The following ARSK variants were observed in gnomAD, a reference collection of about 807,000 sequenced individuals.
The protein encoded by ARSK is arylsulfatase family member K, also known as arylsulfatase K.
ARSK carries 37 observed loss-of-function variants against 53.2 expected under a neutral mutation model. The ratio of observed to expected loss-of-function variants is 0.70; its 90% confidence interval spans 0.54 to 0.92. The LOEUF (loss-of-function observed/expected upper bound fraction) is 0.92. ARSK is among the 40% of genes least tolerant of loss of function. ARSK has a pLI of 0.00. For missense variants in ARSK, 613 were observed against 643.0 expected (o/e 0.95, Z 0.51); for synonymous variants, 208 against 223.2 (o/e 0.93, Z 0.61).
At chr5:95,569,124 C>T (rs922537200) in intron 3 of ARSK, among the ~76,000 whole-genome samples, 18 of 152,092 alleles carry the variant, frequency 1.2e-4, no homozygotes, top group Non-Finnish European at 2.5e-4. Flanking sequence ...TCCTGCAATT[C>T]CTCCTACTGA....
At chr5:95,588,203 CAA>C (rs1004957742) in intron 5 of ARSK, among the ~76,000 whole-genome samples, 45 of 150,632 alleles carry the variant, frequency 3.0e-4, no homozygotes, top group African/African-American at 1.1e-3. Context: ...TCCCTTACAT[CAA>C]GTTACAAAAT....
At chr5:95,570,477 C>T (rs559655030) in intron 3 of ARSK, among the ~76,000 whole-genome samples, 6 of 152,270 alleles carry the variant, frequency 3.9e-5, no homozygotes, top group African/African-American at 1.4e-4. Context: ...ACCCAGCTTC[C>T]CTGCTCACTA....
chr5:95,565,162 A>G (rs1029021141), intron 1 of ARSK, among the ~76,000 whole-genome samples: 5 of 152,200 alleles, frequency 3.3e-5, no homozygotes, highest in African/African-American at 1.2e-4. Context: ...CTCTTTACCA[A>G]CGTGAGTTCT....
At chr5:95,564,499 C>T (rs763256721) in intron 1 of ARSK, among the ~76,000 whole-genome samples, 15 of 152,194 alleles carry the variant, frequency 9.9e-5, no homozygotes, top group Non-Finnish European at 1.9e-4. Flanking sequence ...TTTTGCTTTG[C>T]AAAATAACTT....
Position 95,603,669 on chromosome 5 carries a change from G to A in ARSK, c.*143G>A. On this transcript the variant is annotated 3_prime_UTR_variant, in exon 8 of 8. Transcript: ENST00000380009. Reference sequence around the variant, plus strand: ...TCACACCTGTAATCCCAGGACTTTGGGAGGCTGAGGAAAGCAGATCACAAG... The same window carrying A: ...TCACACCTGTAATCCCAGGACTTTGAGAGGCTGAGGAAAGCAGATCACAAG... The A allele has an allele frequency of 1.5e-6, 1 of 661,644 alleles. No individual in the cohort carries two copies. The highest frequency in any genetic ancestry group is 2.9e-5 in the South Asian group (1 of 34,382). The allele number at this position is 661,644 out of a possible 1,614,324, so 41.0% of individuals were successfully genotyped here. A position where few individuals can be genotyped will look rare whatever the true frequency, so the allele number is the denominator to read the frequency against.
At chr5:95,599,748 G>A (rs1470510657) in intron 6 of ARSK, among the ~76,000 whole-genome samples, 4 of 152,092 alleles carry the variant, frequency 2.6e-5, no homozygotes, top group Non-Finnish European at 5.9e-5. Flanking sequence ...TTTTTATCAA[G>A]TTATATATGA....
intron 3 of ARSK, among the ~76,000 whole-genome samples, chr5:95,568,855 T>C (rs552464059): frequency 1.7e-3 from 254 of 152,308 alleles, no homozygotes; most frequent in African/African-American, 5.9e-3. Flanking sequence ...AATTTTGGTA[T>C]GTGCGAAGTA....
At chr5:95,576,803 T>C (rs1306528101) in intron 3 of ARSK, among the ~76,000 whole-genome samples, 1 of 152,058 alleles carries the variant, frequency 6.6e-6, no homozygotes, top group Admixed American at 6.5e-5. Context: ...CCAGACCCTT[T>C]TTGGCTCAAG....
Position 95,555,175 on chromosome 5 carries a change from C to A in ARSK, c.-104C>A. The A allele has an allele frequency of 2.6e-6, 3 of 1,146,962 alleles. No individual in the cohort carries two copies. The highest frequency in any genetic ancestry group is 2.3e-5 in the Admixed American group (1 of 42,700). The allele number at this position is 1,146,962 out of a possible 1,614,324, so 71.0% of individuals were successfully genotyped here. ...GCGTTACTATCAAGCAACCAAACTG[C>A]AAGCTTTGGGAGTTGTTCGCTGTCC... On this transcript the variant is annotated 5_prime_UTR_variant, in exon 1 of 8. Transcript: ENST00000380009. The surrounding 1 kb of genome is among the most constrained non-coding windows in gnomAD (Gnocchi z 4.0).
intron 6 of ARSK, 68 bp from the exon 7 acceptor site, chr5:95,600,779 T>G: frequency 7.3e-7 from 1 of 1,379,004 alleles, no homozygotes; most frequent in South Asian, 1.2e-5. Flanking sequence ...TGAATGATGC[T>G]ATTTGTGAAT....
At chr5:95,569,558 G>C (rs1046356216) in intron 3 of ARSK, among the ~76,000 whole-genome samples, 46 of 152,210 alleles carry the variant, frequency 3.0e-4, no homozygotes, top group African/African-American at 1.1e-3. Flanking sequence ...GCAGCTACAA[G>C]CCAAAGGATG....
chr5:95,565,386 G>A (rs540851317), intron 1 of ARSK, among the ~76,000 whole-genome samples: 1 of 152,112 alleles, frequency 6.6e-6, no homozygotes, highest in African/African-American at 2.4e-5. Flanking sequence ...CCCCACCCCA[G>A]CTGCCTAATT....
At chr5:95,597,020 T>G (rs1362594622) in intron 6 of ARSK, among the ~76,000 whole-genome samples, 2 of 152,056 alleles carry the variant, frequency 1.3e-5, no homozygotes, top group African/African-American at 2.4e-5. Context: ...TAGGAATTCT[T>G]TATAATATTA....
intron 1 of ARSK, 132 bp from the exon 2 acceptor site, chr5:95,565,866 G>T: frequency 1.2e-6 from 1 of 852,804 alleles, no homozygotes; most frequent in East Asian, 2.7e-5. Context: ...CTCTATACTT[G>T]TTTTGTTTTT....
intron 7 of ARSK, among the ~76,000 whole-genome samples, chr5:95,602,568 A>T (rs1186854368): frequency 6.6e-6 from 1 of 152,204 alleles, no homozygotes; most frequent in African/African-American, 2.4e-5. Flanking sequence ...GTTAATTGTC[A>T]TAAGATCTCT....
intron 2 of ARSK, 63 bp downstream of exon 2, chr5:95,566,190 T>A: frequency 6.4e-7 from 1 of 1,557,264 alleles, no homozygotes; most frequent in Non-Finnish European, 8.7e-7. Flanking sequence ...ATTCACAGTT[T>A]AAAAGATTAT....
chr5:95,566,243 T>A lies in ARSK; in HGVS notation c.256+116T>A, dbSNP rs559657699. ...TTGTATTTGGCCTCAATAAAATTGT[T>A]TTAATATAAAAGATGTGCATTTTAA... is the stretch of plus-strand genomic sequence containing the variant. On this transcript the variant is annotated intron_variant, in intron 2 of 7. Coordinates refer to ENST00000380009, the MANE Select transcript of ARSK (RefSeq NM_198150.3). 4 of 1,313,744 alleles carry A rather than the reference T, an allele frequency of 3.0e-6. No homozygotes were observed. In the African/African-American group the frequency reaches 6.1e-5, roughly 20 times the overall value. 81.4% of individuals were successfully genotyped at this position (1,313,744 alleles called of 1,614,324 possible). A position where few individuals can be genotyped will look rare whatever the true frequency, so the allele number is the denominator to read the frequency against.
chr5:95,578,493 C>CT (rs1172747826), intron 3 of ARSK, among the ~76,000 whole-genome samples: 1 of 151,766 alleles, frequency 6.6e-6, no homozygotes, highest in Non-Finnish European at 1.5e-5. Context: ...AATATAGATC[C>CT]TTTTTTTTCT....
At chr5:95,556,273 A>C in intron 1 of ARSK, 1 of 701,282 alleles carries the variant, frequency 1.4e-6, no homozygotes. Context: ...TATTACTTAA[A>C]GTTATCTTTG....
Sources: allele counts gnomAD v4.1 joint callset (sites outside exome capture counted in the v4.1 genomes callset), GRCh38; gene constraint gnomAD v4.1.1; non-coding constraint Gnocchi (gnomAD v3.1); transcripts MANE v1.5; gene names NCBI Gene and HGNC (gene_info 2026-07-23, HGNC 2026-07-21).